CDC42BPA: variants seen among roughly 807,000 people sequenced by gnomAD.
The protein encoded by CDC42BPA is serine/threonine-protein kinase MRCK alpha.
In CDC42BPA, 80 loss-of-function variants were observed where a neutral mutation model predicts 223.5. The ratio of observed to expected loss-of-function variants is 0.36; its 90% CI spans 0.30 to 0.43. The LOEUF is 0.43. CDC42BPA is among the 20% of genes least tolerant of loss of function. CDC42BPA has a pLI of 1.00. For missense variants in CDC42BPA, 1,743 were observed against 2,099.9 expected (o/e 0.83, Z 3.32); for synonymous variants, 694 against 718.6 (o/e 0.97, Z 0.55).
chr1:227,079,475 G>C (rs919595299), intron 17 of CDC42BPA, among the ~76,000 whole-genome samples: 1 of 151,958 alleles, frequency 6.6e-6, no homozygotes, highest in Admixed American at 6.6e-5. Flanking sequence ...GTCATTTTCA[G>C]CTCCTCCTTA....
At chr1:227,110,424 A>C (rs1686725210) in intron 14 of CDC42BPA, among the ~76,000 whole-genome samples, 1 of 152,190 alleles carries the variant, frequency 6.6e-6, no homozygotes, top group African/African-American at 2.4e-5. Context: ...AAGTAGGTAA[A>C]CATGATACAG....
At chr1:227,042,808 T>C (rs1213851534) in intron 23 of CDC42BPA, among the ~76,000 whole-genome samples, 2 of 152,140 alleles carry the variant, frequency 1.3e-5, no homozygotes, top group Non-Finnish European at 2.9e-5. Flanking sequence ...GGACTAAAAT[T>C]AGAATTTTAG....
rs188532704 is a variant in CDC42BPA, at chr1:227,147,841, G to C, written c.694-282C>G. Among the ~76,000 whole-genome samples the C allele has an allele frequency of 4.0e-5, 6 of 151,352 alleles. No homozygotes were observed. In the East Asian group the frequency reaches 9.7e-4, roughly 25 times the overall value. On this transcript the variant is annotated intron_variant, in intron 6 of 36. Transcript: ENST00000366766. ...CCATCATACCAATTAAGAACAAACT[G>C]AATATTTGGTTTAGAACACTCATTA...
At chr1:227,025,927 C>T in intron 31 of CDC42BPA, 128 bp downstream of exon 31, 1 of 593,326 alleles carries the variant, frequency 1.7e-6, no homozygotes, top group Non-Finnish European at 3.0e-6. Context: ...TCACTCTTAG[C>T]TAAGTCCCAA....
chr1:227,176,125 G>C (rs1376266800), intron 5 of CDC42BPA, among the ~76,000 whole-genome samples: 1 of 152,086 alleles, frequency 6.6e-6, no homozygotes, highest in East Asian at 1.9e-4. Context: ...GCTAATTTTT[G>C]TATCTGTAGT....
intron 11 of CDC42BPA, among the ~76,000 whole-genome samples, chr1:227,127,606 GT>G (rs371015782): frequency 2.3e-3 from 357 of 152,204 alleles, no homozygotes; most frequent in African/African-American, 8.3e-3. Flanking sequence ...CAGACATTCA[GT>G]GGCACTCTTA....
rs1255962343 is a variant in CDC42BPA at position 227,029,045 on chromosome 1, A to G, written c.4044T>C (p.Ala1348=). Residue 1348 remains alanine (A), a synonymous_variant, in exon 30 of 37, where the codon GCT becomes GCC. Transcript: ENST00000366766. ...TCATAGCCACACACAGGCATGTGAGAGCTCCATGGCGCACCTTTCCAGAAG... is the reference window on the plus strand; with the variant it reads ...TCATAGCCACACACAGGCATGTGAGGGCTCCATGGCGCACCTTTCCAGAAG... ...TVTSGKVRHG[A]LTCLCVAMKR... is the part of the protein sequence containing the mutation. 6.2e-7 allele frequency: 1 copy of G among 1,614,128 alleles called. No homozygotes were observed. Among genetic ancestry groups the G allele is most frequent in the Non-Finnish European group, 8.5e-7 (1 of 1,180,028 alleles).
chr1:227,077,111 G>A (rs1053045262), intron 17 of CDC42BPA, among the ~76,000 whole-genome samples: 2 of 152,136 alleles, frequency 1.3e-5, no homozygotes, highest in Non-Finnish European at 2.9e-5. Context: ...ACAAATAAGG[G>A]ACAGTTCCTG....
At position 226,994,342 on chromosome 1, in the gene CDC42BPA, G is replaced by A. The variant is rs373832771; in HGVS notation, c.5191C>T (p.Pro1731Ser). 4.4e-6 allele frequency: 7 copies of A among 1,597,570 alleles called. No individual in the cohort carries two copies. In the South Asian group the frequency reaches 7.9e-5, roughly 18 times the overall value. Residue 1731 changes from proline to serine, a missense_variant, in exon 37 of 37, where the codon CCA becomes TCA. Physicochemically the swap from Pro to Ser is moderately conservative, Grantham distance 74 (BLOSUM62 -1). Coordinates refer to ENST00000366766, the MANE Select transcript of CDC42BPA (RefSeq NM_001394014.1). This position sits in a 1 kb window ranked among gnomAD's most constrained non-coding sequence, Gnocchi z 4.0. ...ASNSSNLSSPPSPASPRKTKS... is the reference protein window; with the variant it reads ...ASNSSNLSSPSSPASPRKTKS... The stretch of plus-strand genomic sequence containing the variant: ...GTTTTTCGGGGTGAAGCTGGGCTTG[G>A]GGGGCTGCTTAGGTTGGAACTGTTG...
chr1:227,118,136 C>T (rs1281509416), intron 12 of CDC42BPA, among the ~76,000 whole-genome samples: 2 of 152,112 alleles, frequency 1.3e-5, no homozygotes, highest in East Asian at 1.9e-4. Flanking sequence ...AATATGAACA[C>T]AGAAACTCTA....
chr1:227,173,449 C>A (rs1254789377), intron 5 of CDC42BPA, among the ~76,000 whole-genome samples: 1 of 152,024 alleles, frequency 6.6e-6, no homozygotes, highest in East Asian at 1.9e-4. Context: ...ATTTATGATA[C>A]ATGTAATTTA....
At chr1:226,995,023 G>A (rs2148221182) in intron 35 of CDC42BPA, 43 bp from the exon 36 acceptor site, 1 of 1,564,914 alleles carries the variant, frequency 6.4e-7, no homozygotes, top group Non-Finnish European at 8.7e-7. Context: ...ATGCAGAGGG[G>A]ACAATACTCT....
intron 21 of CDC42BPA, among the ~76,000 whole-genome samples, chr1:227,057,994 T>C (rs960189365): frequency 6.6e-6 from 1 of 152,200 alleles, no homozygotes; most frequent in Non-Finnish European, 1.5e-5. Flanking sequence ...CACGGGCTGG[T>C]GATTTGACCC....
intron 21 of CDC42BPA, among the ~76,000 whole-genome samples, chr1:227,065,816 G>A (rs1352093325): frequency 6.6e-6 from 1 of 152,146 alleles, no homozygotes; most frequent in Non-Finnish European, 1.5e-5. Flanking sequence ...GAGACAGAGG[G>A]AGAAGAATGA....
At chr1:227,251,189 T>A (rs898447480) in intron 2 of CDC42BPA, among the ~76,000 whole-genome samples, 1 of 151,798 alleles carries the variant, frequency 6.6e-6, no homozygotes, top group Admixed American at 6.6e-5. Context: ...AATATATATG[T>A]TGGGGTTTCA....
chr1:227,139,250 T>C, intron 10 of CDC42BPA, among the ~76,000 whole-genome samples: 1 of 152,082 alleles, frequency 6.6e-6, no homozygotes, highest in East Asian at 1.9e-4. Context: ...CTCTTAAAGA[T>C]TGAGCAAATA....
chr1:227,077,141 G>A (rs530656816), intron 17 of CDC42BPA, among the ~76,000 whole-genome samples: 1 of 152,280 alleles, frequency 6.6e-6, no homozygotes, highest in East Asian at 1.9e-4. Context: ...GGCATATATA[G>A]TAATTAGGAA....
At chr1:227,003,504 C>G (rs1192661019) in intron 35 of CDC42BPA, among the ~76,000 whole-genome samples, 1 of 152,218 alleles carries the variant, frequency 6.6e-6, no homozygotes, top group African/African-American at 2.4e-5. Flanking sequence ...TACAATCGCA[C>G]TGCTTATAAT....
At chr1:227,144,298 C>T (rs1386363368) in intron 8 of CDC42BPA, among the ~76,000 whole-genome samples, 8 of 151,950 alleles carry the variant, frequency 5.3e-5, no homozygotes, top group African/African-American at 7.3e-5. Context: ...AAAAAGGGGC[C>T]GGGAGCAGTG....
Sources: gnomAD v4.1 joint callset for allele counts (sites outside exome capture counted in the v4.1 genomes callset) on GRCh38, gnomAD v4.1.1 for gene constraint, Gnocchi (gnomAD v3.1) non-coding constraint, MANE v1.5 for transcripts, NCBI Gene and HGNC (gene_info 2026-07-23, HGNC 2026-07-21) for gene names.